The following TMEM108 variants were observed in gnomAD, a reference collection of about 807,000 sequenced individuals.
TMEM108 encodes the protein transmembrane protein 108.
Under a neutral mutation model 35.1 loss-of-function variants are expected in TMEM108, and 12 were observed. The ratio of observed to expected loss-of-function variants is 0.34; its 90% CI spans 0.22 to 0.55. The LOEUF is 0.55. TMEM108 is among the 20% of genes least tolerant of loss of function. The pLI is 0.89. For synonymous variants in TMEM108, 287 were observed against 308.6 expected, an observed-to-expected ratio of 0.93 and a Z score of 0.73; for missense variants, 680 against 753.3, an observed-to-expected ratio of 0.90 and a Z score of 1.14.
intron 2 of TMEM108, among the ~76,000 whole-genome samples, chr3:133,086,951 A>G (rs930509882): frequency 6.6e-6 from 1 of 152,208 alleles, no homozygotes; most frequent in Non-Finnish European, 1.5e-5. Flanking sequence ...AAAAATGCAG[A>G]TGTTTACAAA....
chr3:133,315,316 G>T (rs542510900), intron 3 of TMEM108, among the ~76,000 whole-genome samples: 2 of 151,416 alleles, frequency 1.3e-5, no homozygotes, highest in East Asian at 3.9e-4. Context: ...GAGCTTTTGA[G>T]TCCTGCTTTA....
intron 3 of TMEM108, among the ~76,000 whole-genome samples, chr3:133,301,023 C>T (rs1459042773): frequency 1.4e-5 from 1 of 70,338 alleles, no homozygotes; most frequent in African/African-American, 3.8e-5. Context: ...CACACACACA[C>T]ACACACACAC....
intron 3 of TMEM108, among the ~76,000 whole-genome samples, chr3:133,275,343 A>G (rs1255702785): frequency 6.6e-6 from 1 of 152,220 alleles, no homozygotes; most frequent in Non-Finnish European, 1.5e-5. Context: ...GATTTTAATA[A>G]TATATTTTAT....
chr3:133,220,288 T>C (rs940058657), intron 2 of TMEM108, among the ~76,000 whole-genome samples: 23 of 152,114 alleles, frequency 1.5e-4, no homozygotes, highest in African/African-American at 5.3e-4. Context: ...AGTCATTTTT[T>C]TTTTAAGAGA....
At chr3:133,060,539 C>G (rs1418198634) in intron 2 of TMEM108, among the ~76,000 whole-genome samples, 1 of 152,096 alleles carries the variant, frequency 6.6e-6, no homozygotes, top group Admixed American at 6.5e-5. Flanking sequence ...TGTATACCCC[C>G]CAAATTCATG....
At chr3:133,159,879 A>G (rs929135124) in intron 2 of TMEM108, among the ~76,000 whole-genome samples, 1 of 152,060 alleles carries the variant, frequency 6.6e-6, no homozygotes, top group African/African-American at 2.4e-5. Flanking sequence ...ACGATGTGAA[A>G]TCTCTTTCTG....
At chr3:133,267,239 C>T (rs1434552135) in intron 3 of TMEM108, among the ~76,000 whole-genome samples, 3 of 152,110 alleles carry the variant, frequency 2.0e-5, no homozygotes, top group Non-Finnish European at 4.4e-5. Flanking sequence ...ATGATATAGT[C>T]CTCTGCCTCT....
intron 3 of TMEM108, among the ~76,000 whole-genome samples, chr3:133,375,467 TC>T (rs143765838): frequency 0.01 from 1,574 of 152,240 alleles, 29 homozygotes; most frequent in African/African-American, 0.035. Flanking sequence ...GCCTCTAGAG[TC>T]CATTATGCAA....
intron 2 of TMEM108, among the ~76,000 whole-genome samples, chr3:133,109,789 G>T (rs1347027356): frequency 6.6e-6 from 1 of 152,110 alleles, no homozygotes; most frequent in East Asian, 1.9e-4. Context: ...GTTTTATATT[G>T]TTTAATAGCT....
chr3:133,112,655 A>G (rs1420555085), intron 2 of TMEM108, among the ~76,000 whole-genome samples: 2 of 152,202 alleles, frequency 1.3e-5, no homozygotes, highest in Admixed American at 1.3e-4. Flanking sequence ...AGGGGCCTAT[A>G]AAAATTAGAG....
intron 3 of TMEM108, among the ~76,000 whole-genome samples, chr3:133,254,372 A>T (rs1946515159): frequency 6.6e-6 from 1 of 152,178 alleles, no homozygotes. Context: ...TTTGGTTTTG[A>T]TTCCTATTAA....
At chr3:133,339,217 A>G (rs1166561015) in intron 3 of TMEM108, among the ~76,000 whole-genome samples, 1 of 151,910 alleles carries the variant, frequency 6.6e-6, no homozygotes, top group African/African-American at 2.4e-5. Context: ...GCCTATAAGA[A>G]ACACACTTCA....
At chr3:133,243,292 G>T (rs2107662157) in intron 3 of TMEM108, among the ~76,000 whole-genome samples, 1 of 152,198 alleles carries the variant, frequency 6.6e-6, no homozygotes, top group East Asian at 1.9e-4. Flanking sequence ...TTCTCACTGT[G>T]ACACAGGAGA....
chr3:133,243,582 G>A (rs1037598217), intron 3 of TMEM108, among the ~76,000 whole-genome samples: 3 of 151,996 alleles, frequency 2.0e-5, no homozygotes, highest in East Asian at 1.9e-4. Context: ...GTAGAGTGGC[G>A]CGATCTCGGC....
chr3:133,306,343 T>A (rs2071036153), intron 3 of TMEM108, among the ~76,000 whole-genome samples: 1 of 152,168 alleles, frequency 6.6e-6, no homozygotes, highest in South Asian at 2.1e-4. Flanking sequence ...CCCAGCATCA[T>A]TGGTTGAAAA....
chr3:133,090,594 G>A (rs1943935614), intron 2 of TMEM108, among the ~76,000 whole-genome samples: 1 of 152,164 alleles, frequency 6.6e-6, no homozygotes, highest in Non-Finnish European at 1.5e-5. Context: ...AGAAGTCAAT[G>A]CACTACCATT....
intron 2 of TMEM108, among the ~76,000 whole-genome samples, chr3:133,125,494 G>T (rs192029095): frequency 6.6e-6 from 1 of 152,212 alleles, no homozygotes; most frequent in African/African-American, 2.4e-5. Flanking sequence ...AAAATAAGAG[G>T]TGATATAGCT....
At position 133,053,990 on chromosome 3, in the gene TMEM108, G is replaced by T. The variant is rs565797510; in HGVS notation, c.-47+7970G>T. ...TTAGAGCTGCTGATGCTCTCTCCTG[G>T]TCCAAACAGCTGTGATTTAAGGGTA... On this transcript the variant is annotated intron_variant, in intron 2 of 5. Transcript: ENST00000321871. Among the ~76,000 whole-genome samples the T allele has an allele frequency of 3.9e-5, 6 of 152,224 alleles. No homozygotes were observed. The South Asian group carries it at 1.2e-3, about 32-fold the overall frequency.
chr3:133,140,017 GA>G (rs1944619667), intron 2 of TMEM108, among the ~76,000 whole-genome samples: 1 of 152,190 alleles, frequency 6.6e-6, no homozygotes, highest in Non-Finnish European at 1.5e-5. Context: ...AGATGTCACA[GA>G]TTCCACTGTT....
Sources: gnomAD v4.1 joint callset for allele counts (sites outside exome capture counted in the v4.1 genomes callset) on GRCh38, gnomAD v4.1.1 for gene constraint, MANE v1.5 for transcripts, NCBI Gene and HGNC (gene_info 2026-07-23, HGNC 2026-07-21) for gene names.